Variants in RNF111 observed in about 807,000 individuals in gnomAD.
The protein encoded by RNF111 is E3 ubiquitin-protein ligase Arkadia.
Under a neutral mutation model 95.1 loss-of-function variants are expected in RNF111, and 17 were observed. The ratio of observed to expected loss-of-function variants is 0.18; its 90% CI spans 0.12 to 0.27. The LOEUF (loss-of-function observed/expected upper bound fraction) is 0.27, where lower values mean the gene tolerates loss of function less well. Ranked by LOEUF, RNF111 falls within the 10% of genes least tolerant of loss-of-function variation. The probability of loss-of-function intolerance (pLI) is 1.00; values close to 1 mark genes in which losing one functional copy is unlikely to be tolerated. For missense variants in RNF111, 1,189 were observed against 1,210.4 expected (o/e 0.98, Z 0.26); for synonymous variants, 440 against 414.8 (o/e 1.06, Z -0.74).
At chr15:59,003,002 A>G (rs189274843) in intron 1 of RNF111, among the ~76,000 whole-genome samples, 221 of 152,172 alleles carry the variant, frequency 1.5e-3, no homozygotes, top group African/African-American at 5.2e-3. Flanking sequence ...CTTTTTTGTG[A>G]TAAGATCTCA....
chr15:59,036,997 C>T (rs1306438541), intron 2 of RNF111, among the ~76,000 whole-genome samples: 1 of 151,164 alleles, frequency 6.6e-6, no homozygotes, highest in East Asian at 1.9e-4. Context: ...CTACAGTTGA[C>T]TAATTTTTTT....
chr15:59,049,693 A>G (rs1408922716), intron 2 of RNF111: 1 of 156,794 alleles, frequency 6.4e-6, no homozygotes, highest in Non-Finnish European at 1.4e-5. Context: ...TGCCATGGTA[A>G]TATTTGTGGG....
At chr15:59,053,667 C>G (rs1239749269) in intron 3 of RNF111, among the ~76,000 whole-genome samples, 1 of 152,170 alleles carries the variant, frequency 6.6e-6, no homozygotes, top group Non-Finnish European at 1.5e-5. Flanking sequence ...CACCTATCCT[C>G]TGACCGTGCA....
Position 59,094,906 on chromosome 15 carries a change from T to C in RNF111, c.*6T>C. The C allele has an allele frequency of 6.6e-7, 1 of 1,517,396 alleles. No homozygotes were observed. Among genetic ancestry groups the C allele is most frequent in the Non-Finnish European group, 9.2e-7 (1 of 1,091,992 alleles). The allele number at this position is 1,517,396 out of a possible 1,614,324, so 94.0% of individuals were successfully genotyped here. ...AGCTGCCAAGTGAAAGTTGACACCATGTTTCAGAACTCTTGCCCTCCCTCT... is the reference window on the plus strand; with the variant it reads ...AGCTGCCAAGTGAAAGTTGACACCACGTTTCAGAACTCTTGCCCTCCCTCT... On this transcript the variant is annotated 3_prime_UTR_variant, in exon 14 of 14. Coordinates refer to ENST00000348370, the MANE Select transcript of RNF111 (RefSeq NM_017610.8).
intron 2 of RNF111, among the ~76,000 whole-genome samples, chr15:59,036,215 G>A (rs879691059): frequency 2.0e-5 from 3 of 151,954 alleles, no homozygotes; most frequent in Non-Finnish European, 2.9e-5. Context: ...GCACCACCAC[G>A]CCCAGCTAAT....
rs2079174825 is a variant in RNF111, at chr15:59,096,254, T to TGTTTAA, written c.*1354_*1355insGTTTAA. 2.5e-6 allele frequency: 1 copy of TGTTTAA among 392,888 alleles called. No individual in the cohort carries two copies. Among genetic ancestry groups the TGTTTAA allele is most frequent in the Non-Finnish European group, 4.5e-6 (1 of 222,620 alleles). 24.3% of individuals were successfully genotyped at this position (392,888 alleles called of 1,614,324 possible). On this transcript the variant is annotated 3_prime_UTR_variant, in exon 14 of 14. Transcript: ENST00000348370. Reference sequence around the variant, plus strand: ...TTTCATATACAGGATAGCCTAATTTTATTTGTTTAAATATGCTTAATATGC... The same window carrying TGTTTAA: ...TTTCATATACAGGATAGCCTAATTTTGTTTAAATTTGTTTAAATATGCTTAATATGC...
At chr15:59,042,473 T>A (rs1247060088) in intron 2 of RNF111, among the ~76,000 whole-genome samples, 1 of 152,192 alleles carries the variant, frequency 6.6e-6, no homozygotes, top group Admixed American at 6.5e-5. Context: ...TTCTTACTGC[T>A]TCTGGATTTT....
intron 1 of RNF111, among the ~76,000 whole-genome samples, chr15:59,002,667 A>G (rs922098130): frequency 2.0e-5 from 3 of 152,136 alleles, no homozygotes; most frequent in South Asian, 2.1e-4. Flanking sequence ...TCAGTTCCCT[A>G]TAGTTCTTAG....
chr15:59,041,158 T>G (rs1366891563), intron 2 of RNF111, among the ~76,000 whole-genome samples: 1 of 152,230 alleles, frequency 6.6e-6, no homozygotes, highest in Non-Finnish European at 1.5e-5. Context: ...GTTGTTAAGC[T>G]TCATCATACT....
At chr15:59,061,577 A>T (rs534939818) in intron 5 of RNF111, among the ~76,000 whole-genome samples, 1 of 152,184 alleles carries the variant, frequency 6.6e-6, no homozygotes, top group African/African-American at 2.4e-5. Context: ...GCAACTTCCA[A>T]TGCCTCCATA....
intron 1 of RNF111, among the ~76,000 whole-genome samples, chr15:58,998,510 T>C (rs1436323043): frequency 1.3e-5 from 2 of 152,218 alleles, no homozygotes; most frequent in African/African-American, 2.4e-5. Context: ...GTATGATGCT[T>C]ATTTTGAGAA....
At chr15:59,016,112 C>T (rs2040052299) in intron 1 of RNF111, among the ~76,000 whole-genome samples, 1 of 151,590 alleles carries the variant, frequency 6.6e-6, no homozygotes, top group Non-Finnish European at 1.5e-5. Context: ...GCTAGGATTA[C>T]AGGCATGAGT....
chr15:59,093,897 G>A (rs966990007), intron 13 of RNF111, among the ~76,000 whole-genome samples: 1 of 152,120 alleles, frequency 6.6e-6, no homozygotes, highest in African/African-American at 2.4e-5. Flanking sequence ...TTACAGTATT[G>A]ACAATACTGT....
chr15:59,058,732 T>C (rs1566919849), intron 5 of RNF111, 182 bp downstream of exon 5: 1 of 596,716 alleles, frequency 1.7e-6, no homozygotes, highest in African/African-American at 1.9e-5. Flanking sequence ...TTTGAGTTTG[T>C]GTGCTATATG....
intron 8 of RNF111, among the ~76,000 whole-genome samples, chr15:59,081,910 A>G (rs555202089): frequency 6.6e-6 from 1 of 152,282 alleles, no homozygotes; most frequent in South Asian, 2.1e-4. Flanking sequence ...CTGTGGTCCC[A>G]GCTACTGGGT....
chr15:58,989,262 G>T (rs1163433936), intron 1 of RNF111, among the ~76,000 whole-genome samples: 2 of 152,192 alleles, frequency 1.3e-5, no homozygotes, highest in Non-Finnish European at 2.9e-5. Context: ...GAAACAGATG[G>T]ATAAGAAGGA....
chr15:59,095,237 G>T lies in RNF111; in HGVS notation c.*337G>T. 1 of 235,734 alleles carries T rather than the reference G, an allele frequency of 4.2e-6. No individual in the cohort carries two copies. Among genetic ancestry groups the T allele is most frequent in the Non-Finnish European group, 8.3e-6 (1 of 120,614 alleles). The allele number at this position is 235,734 out of a possible 1,614,324, so 14.6% of individuals were successfully genotyped here. A position where few individuals can be genotyped will look rare whatever the true frequency, so the allele number is the denominator to read the frequency against. ...GCTGCTTTAGTAAGTAGAATTTTGTGGTCTTTTTGTTTTTTACATAGTACC... is the reference window on the plus strand; with the variant it reads ...GCTGCTTTAGTAAGTAGAATTTTGTTGTCTTTTTGTTTTTTACATAGTACC... On this transcript the variant is annotated 3_prime_UTR_variant, in exon 14 of 14. Transcript: ENST00000348370.
chr15:58,988,592 T>C (rs2038673669), intron 1 of RNF111, among the ~76,000 whole-genome samples: 1 of 152,276 alleles, frequency 6.6e-6, no homozygotes, highest in Non-Finnish European at 1.5e-5. Flanking sequence ...TGTCCTTCGA[T>C]AATTTATCAG....
intron 7 of RNF111, among the ~76,000 whole-genome samples, chr15:59,079,627 T>A (rs2078676278): frequency 6.6e-6 from 1 of 151,678 alleles, no homozygotes. Flanking sequence ...TCCAATAAAA[T>A]GAAATTTGTA....
Sources: allele counts gnomAD v4.1 joint callset (sites outside exome capture counted in the v4.1 genomes callset), GRCh38; gene constraint gnomAD v4.1.1; transcripts MANE v1.5; gene names NCBI Gene and HGNC (gene_info 2026-07-23, HGNC 2026-07-21).